ANK3: variants seen among roughly 807,000 people sequenced by gnomAD.
The protein encoded by ANK3 is ankyrin 3.
A neutral mutation model predicts 370.9 loss-of-function variants in ANK3; 57 were observed. The ratio of observed to expected loss-of-function variants is 0.15; its 90% CI spans 0.12 to 0.19. The LOEUF (loss-of-function observed/expected upper bound fraction) is 0.19, where lower values mean the gene tolerates loss of function less well. Among genes scored for constraint, ANK3 ranks in the 10% least tolerant of loss-of-function variants. The pLI is 1.00. For synonymous variants in ANK3, 1,929 were observed against 1,946.3 expected, an observed-to-expected ratio of 0.99 and a Z score of 0.23; for missense variants, 4,439 against 5,302.1, an observed-to-expected ratio of 0.84 and a Z score of 5.06.
At chr10:60,561,223 G>A (rs529473226) in intron 2 of ANK3, among the ~76,000 whole-genome samples, 11 of 152,292 alleles carry the variant, frequency 7.2e-5, no homozygotes, top group African/African-American at 2.2e-4. Flanking sequence ...CAAATGCATG[G>A]AGTGGTGCAG....
intron 1 of ANK3, among the ~76,000 whole-genome samples, chr10:60,323,031 C>A (rs1253853171): frequency 6.6e-6 from 1 of 152,156 alleles, no homozygotes; most frequent in Non-Finnish European, 1.5e-5. Flanking sequence ...GATATCCCCA[C>A]AAGCAGACCT....
chr10:60,328,387 T>C (rs898539415), intron 1 of ANK3, among the ~76,000 whole-genome samples: 37 of 152,336 alleles, frequency 2.4e-4, no homozygotes, highest in Non-Finnish European at 4.7e-4. Flanking sequence ...TAAATATTCA[T>C]TGCATCTTTA....
chr10:60,585,027 A>G (rs927659120), intron 2 of ANK3, among the ~76,000 whole-genome samples: 4 of 152,162 alleles, frequency 2.6e-5, no homozygotes, highest in African/African-American at 9.7e-5. Context: ...CAAGATCTCT[A>G]AAGTCCTGTT....
At chr10:60,211,268 G>A (rs963461574) in intron 9 of ANK3, among the ~76,000 whole-genome samples, 7 of 116,546 alleles carry the variant, frequency 6.0e-5, no homozygotes, top group African/African-American at 1.6e-4. Flanking sequence ...AGTGTCTGGA[G>A]AAGGTGAACT....
chr10:60,688,956 GAAA>G lies in ANK3; in HGVS notation c.57+44304_57+44306del, dbSNP rs55650401. On this transcript the variant is annotated intron_variant, in intron 1 of 43. Coordinates refer to the ANK3 transcript ENST00000373827. ...GAGTGAGACTCCGTTTCAAAAAAAA[GAAA>G]AAAAAAAAAAAGATAAAATCAGTAT... 3.9e-4 allele frequency among the ~76,000 whole-genome samples: 49 copies of G among 125,270 alleles called. No homozygotes were observed. The South Asian group carries it at 7.8e-3, about 20-fold the overall frequency. 82.2% of individuals were successfully genotyped at this position (125,270 alleles called of 152,430 possible). A position where few individuals can be genotyped will look rare whatever the true frequency, so the allele number is the denominator to read the frequency against.
chr10:60,396,298 G>C (rs1043429346), intron 2 of ANK3, among the ~76,000 whole-genome samples: 2 of 152,102 alleles, frequency 1.3e-5, no homozygotes, highest in African/African-American at 4.8e-5. Flanking sequence ...CATTCCCCAG[G>C]AAAAATAAAT....
chr10:60,079,220 CACACA>C (rs1439696918), intron 36 of ANK3, among the ~76,000 whole-genome samples: 12 of 148,906 alleles, frequency 8.1e-5, no homozygotes, highest in Admixed American at 6.0e-4. Flanking sequence ...CACACACACA[CACACA>C]CCCCTCTTCT....
At chr10:60,343,926 C>A (rs773378909) in intron 1 of ANK3, among the ~76,000 whole-genome samples, 6 of 152,204 alleles carry the variant, frequency 3.9e-5, no homozygotes, top group Non-Finnish European at 5.9e-5. Flanking sequence ...GTAGTTAATC[C>A]AGAGACCACA....
rs775073865 is a variant in ANK3, at chr10:60,072,310, A to G, written c.8571T>C (p.Ser2857=). 10 of 1,613,926 alleles carry G rather than the reference A, an allele frequency of 6.2e-6. No individual in the cohort carries two copies. The highest frequency in any genetic ancestry group is 8.5e-6 in the Non-Finnish European group (10 of 1,179,972). ...WDKKVFRTWE[S]SGATNNKSQK... The stretch of plus-strand genomic sequence containing the variant: ...GAGACTTATTGTTAGTGGCTCCCGA[A>G]CTCTCCCATGTTCTAAAGACCTTTT... The change falls in exon 37 of 44, where the codon AGT becomes AGC. Residue 2857 remains serine (S), a synonymous_variant. Transcript: ENST00000280772.
chr10:60,443,845 T>C (rs1362518765), intron 2 of ANK3, among the ~76,000 whole-genome samples: 2 of 152,144 alleles, frequency 1.3e-5, no homozygotes, highest in Admixed American at 1.3e-4. Context: ...TTAGCAAACA[T>C]TTCCTGATCC....
At chr10:60,307,699 C>A (rs1354118833) in intron 1 of ANK3, among the ~76,000 whole-genome samples, 1 of 151,962 alleles carries the variant, frequency 6.6e-6, no homozygotes, top group African/African-American at 2.4e-5. Context: ...GTTGTGTGAT[C>A]CTGAGATTGA....
intron 1 of ANK3, among the ~76,000 whole-genome samples, chr10:60,285,828 T>C (rs1157209207): frequency 6.6e-6 from 1 of 152,100 alleles, no homozygotes; most frequent in Non-Finnish European, 1.5e-5. Context: ...ACAACAGAAA[T>C]ATGAACAATA....
intron 43 of ANK3, among the ~76,000 whole-genome samples, chr10:60,035,456 T>C (rs752109207): frequency 4.0e-5 from 6 of 151,798 alleles, no homozygotes; most frequent in Non-Finnish European, 8.8e-5. Context: ...TTTCACCATG[T>C]TGGCCAGGCT....
chr10:60,568,230 T>C (rs939117775), intron 2 of ANK3, among the ~76,000 whole-genome samples: 1 of 152,196 alleles, frequency 6.6e-6, no homozygotes, highest in African/African-American at 2.4e-5. Context: ...AGTTTGTCAA[T>C]GTGGCAAACT....
chr10:60,033,957 C>T (rs1339454919), intron 43 of ANK3, among the ~76,000 whole-genome samples: 3 of 151,990 alleles, frequency 2.0e-5, no homozygotes, highest in Admixed American at 6.6e-5. Flanking sequence ...TTTTAAAACT[C>T]GATAATTTGA....
At chr10:60,583,980 T>C (rs2077795070) in intron 2 of ANK3, among the ~76,000 whole-genome samples, 1 of 152,300 alleles carries the variant, frequency 6.6e-6, no homozygotes, top group East Asian at 1.9e-4. Flanking sequence ...AGTTTACACA[T>C]GTATGGAACC....
At chr10:60,382,797 C>CTATATATATATATATATATATA (rs5785442) in intron 1 of ANK3, among the ~76,000 whole-genome samples, 26 of 133,734 alleles carry the variant, frequency 1.9e-4, no homozygotes, top group Non-Finnish European at 3.2e-4. Context: ...ATACCTAAAT[C>CTATATATATATATATATATATA]TATATATATA....
chr10:60,258,868 C>T (rs1405086830), intron 7 of ANK3, among the ~76,000 whole-genome samples: 1 of 152,214 alleles, frequency 6.6e-6, no homozygotes, highest in Non-Finnish European at 1.5e-5. Flanking sequence ...ACAAAGGGTG[C>T]TGCTGTTTTT....
intron 1 of ANK3, among the ~76,000 whole-genome samples, chr10:60,618,949 T>C (rs1431574443): frequency 1.3e-5 from 2 of 151,736 alleles, no homozygotes; most frequent in Non-Finnish European, 2.9e-5. Flanking sequence ...AAACCAGAAA[T>C]AAGAAAAAAA....
Sources: allele counts gnomAD v4.1 joint callset (sites outside exome capture counted in the v4.1 genomes callset), GRCh38; gene constraint gnomAD v4.1.1; transcripts MANE v1.5; gene names NCBI Gene and HGNC (gene_info 2026-07-23, HGNC 2026-07-21).